The following FKBP1A variants were observed in gnomAD, a reference collection of about 807,000 sequenced individuals.
The protein encoded by FKBP1A is peptidyl-prolyl cis-trans isomerase FKBP1A.
In FKBP1A, 5 loss-of-function variants were observed where a neutral mutation model predicts 14.2. The ratio of observed to expected loss-of-function variants is 0.35; its 90% confidence interval spans 0.18 to 0.74. The LOEUF (loss-of-function observed/expected upper bound fraction) is 0.74, where lower values mean the gene tolerates loss of function less well. Among genes scored for constraint, FKBP1A ranks in the 30% least tolerant of loss-of-function variants. The pLI, the probability that FKBP1A is intolerant of heterozygous loss-of-function variation, is 0.56. For missense variants in FKBP1A, 53 were observed against 138.8 expected (o/e 0.38, Z 3.10); for synonymous variants, 42 against 49.1 (o/e 0.86, Z 0.60).
chr20:1,387,649 T>C (rs1174070076), intron 2 of FKBP1A, among the ~76,000 whole-genome samples: 2 of 152,052 alleles, frequency 1.3e-5, no homozygotes, highest in Non-Finnish European at 2.9e-5. Flanking sequence ...AGTTTGAGAC[T>C]AGCCTGGGAA....
chr20:1,390,876 C>T, intron 2 of FKBP1A, among the ~76,000 whole-genome samples: 1 of 152,158 alleles, frequency 6.6e-6, no homozygotes, highest in East Asian at 1.9e-4. Flanking sequence ...AAGCTTTTGT[C>T]CTAATGCATG....
At chr20:1,373,311 A>T (rs942864232) in intron 3 of FKBP1A, 1 of 152,218 alleles carries the variant, frequency 6.6e-6, no homozygotes, top group African/African-American at 2.4e-5. Flanking sequence ...CACACCAGGG[A>T]TTAGTCATGA....
At chr20:1,383,944 G>A (rs1239800162) in intron 2 of FKBP1A, among the ~76,000 whole-genome samples, 1 of 152,058 alleles carries the variant, frequency 6.6e-6, no homozygotes, top group African/African-American at 2.4e-5. Context: ...CCAGATGGGC[G>A]TATGGCTCAA....
chr20:1,389,244 C>T (rs35335677), intron 2 of FKBP1A, among the ~76,000 whole-genome samples: 7,435 of 152,236 alleles, frequency 0.049, 250 homozygotes, highest in Non-Finnish European at 0.078. Context: ...GTCCCTAGAG[C>T]CTGGCTTGCT....
At position 1,369,728 on chromosome 20, in the gene FKBP1A, C is replaced by T. The variant is rs529651885; in HGVS notation, c.*381G>A. On this transcript the variant is annotated 3_prime_UTR_variant, in exon 5 of 5. Coordinates refer to ENST00000400137, the MANE Select transcript of FKBP1A (RefSeq NM_000801.5). ...AAATAAAATATTCTTGCAAACCCCC[C>T]CCCCAACACCAATTCCTATTCTAAT... The T allele has an allele frequency of 1.6e-4, 39 of 249,992 alleles. No homozygotes were observed. Among genetic ancestry groups the T allele is most frequent in the Admixed American group, 7.2e-4 (13 of 18,086 alleles). The allele number at this position is 249,992 out of a possible 1,614,324, so 15.5% of individuals were successfully genotyped here. A position where few individuals can be genotyped will look rare whatever the true frequency, so the allele number is the denominator to read the frequency against.
chr20:1,370,884 C>T lies in FKBP1A; in HGVS notation c.*37-812G>A. 3 of 985,460 alleles carry T rather than the reference C, an allele frequency of 3.0e-6. No individual in the cohort carries two copies. In the South Asian group the frequency reaches 1.4e-4, roughly 46 times the overall value. 61.0% of individuals were successfully genotyped at this position (985,460 alleles called of 1,614,324 possible). On this transcript the variant is annotated intron_variant, in intron 4 of 4. Transcript: ENST00000400137. ...GCCTAGGTGCAGACCTCTGGGCAGACAAAGGCCCTGTAAAGTGCCAGGGAT... is the reference window on the plus strand; with the variant it reads ...GCCTAGGTGCAGACCTCTGGGCAGATAAAGGCCCTGTAAAGTGCCAGGGAT...
chr20:1,372,776 T>C (rs1006287565), intron 3 of FKBP1A, among the ~76,000 whole-genome samples: 1 of 152,184 alleles, frequency 6.6e-6, no homozygotes, highest in South Asian at 2.1e-4. Context: ...GGCTACAAAA[T>C]AGCATTTACT....
At chr20:1,380,376 G>A (rs12106183) in intron 2 of FKBP1A, among the ~76,000 whole-genome samples, 4,512 of 152,158 alleles carry the variant, frequency 0.03, 86 homozygotes, top group Middle Eastern at 0.044. Context: ...GCATGTATCT[G>A]AGCAAACTAT....
chr20:1,375,693 G>C, intron 2 of FKBP1A, 90 bp from the exon 3 acceptor site: 1 of 911,142 alleles, frequency 1.1e-6, no homozygotes, highest in Non-Finnish European at 1.8e-6. Context: ...AGAGATGCCA[G>C]TGCTGAAGAG....
intron 2 of FKBP1A, among the ~76,000 whole-genome samples, chr20:1,382,045 A>C (rs548670369): frequency 6.6e-6 from 1 of 152,348 alleles, no homozygotes; most frequent in East Asian, 1.9e-4. Flanking sequence ...AAAGAAAAAG[A>C]GTAGGCAGTG....
In FKBP1A at chr20:1,387,385, GGAT is replaced by G. The variant is rs548282698; in HGVS notation, c.85+5446_85+5448del. On this transcript the variant is annotated intron_variant, in intron 2 of 4. Transcript: ENST00000400137. ...AAAGGGCTCCTACTGGCCAAATTTA[GGAT>G]GATATTAGCATCAAAAAGAATAATG... 1.5e-4 allele frequency among the ~76,000 whole-genome samples: 23 copies of G among 152,104 alleles called. 1 individual carries two copies. The South Asian group carries it at 3.1e-3, about 21-fold the overall frequency.
intron 2 of FKBP1A, among the ~76,000 whole-genome samples, chr20:1,380,470 C>A (rs2089605121): frequency 6.6e-6 from 1 of 152,076 alleles, no homozygotes; most frequent in Admixed American, 6.6e-5. Flanking sequence ...TGCTTACTAC[C>A]CCCCGGTCAA....
chr20:1,370,114 G>A, intron 4 of FKBP1A, 42 bp from the exon 5 acceptor site: 1 of 1,540,434 alleles, frequency 6.5e-7, no homozygotes, highest in Non-Finnish European at 8.7e-7. Context: ...GCAACTCAGT[G>A]TTCTTTGTGT....
intron 4 of FKBP1A, chr20:1,370,652 T>A: frequency 1.0e-6 from 1 of 985,430 alleles, no homozygotes. Flanking sequence ...CCTTCCAGAC[T>A]CTTGCAAGAA....
At chr20:1,375,212 G>A in intron 3 of FKBP1A, 3 of 562,668 alleles carry the variant, frequency 5.3e-6, no homozygotes, top group Middle Eastern at 4.7e-4. Flanking sequence ...CTTTTATGTA[G>A]TGGTATTGCA....
intron 2 of FKBP1A, among the ~76,000 whole-genome samples, chr20:1,378,893 C>T (rs968152696): frequency 4.6e-5 from 7 of 152,126 alleles, no homozygotes; most frequent in African/African-American, 7.2e-5. Flanking sequence ...CCCTGATCCG[C>T]GACAATGGGA....
chr20:1,372,894 A>AC (rs2089487957), intron 3 of FKBP1A, among the ~76,000 whole-genome samples: 1 of 152,244 alleles, frequency 6.6e-6, no homozygotes, highest in Non-Finnish European at 1.5e-5. Flanking sequence ...AGTGACCAGT[A>AC]AGGAGAGATT....
In FKBP1A at chr20:1,372,210, T is replaced by C. The variant is rs1183768644; in HGVS notation, c.229A>G (p.Ile77Val). The C allele has an allele frequency of 1.4e-5, 22 of 1,613,766 alleles. No homozygotes were observed. The highest frequency in any genetic ancestry group is 1.8e-5 in the Non-Finnish European group (21 of 1,179,830). The change falls in exon 4 of 5, where the codon ATA becomes GTA. Residue 77 changes from isoleucine to valine, a missense_variant. This residue lies in a region of FKBP1A where 35 missense variants were observed against 118.1 expected (regional missense o/e 0.30). Coordinates refer to ENST00000400137, the MANE Select transcript of FKBP1A (RefSeq NM_000801.5). ...GCACCATAGGCATAATCTGGAGATA[T>C]AGTCAGTTTGGCTCTCTGACCCACA... ...MSVGQRAKLT[I>V]SPDYAYGATG... is the part of the protein sequence containing the mutation.
At chr20:1,380,628 G>C (rs2089607076) in intron 2 of FKBP1A, among the ~76,000 whole-genome samples, 1 of 152,110 alleles carries the variant, frequency 6.6e-6, no homozygotes, top group African/African-American at 2.4e-5. Context: ...CTGTTTCCGG[G>C]TAACTTAAAT....
Sources: allele counts gnomAD v4.1 joint callset (sites outside exome capture counted in the v4.1 genomes callset), GRCh38; gene constraint gnomAD v4.1.1; regional missense constraint gnomAD v4.1.1; transcripts MANE v1.5; gene names NCBI Gene and HGNC (gene_info 2026-07-23, HGNC 2026-07-21).